The following STAU2 variants were observed in gnomAD, a reference collection of about 807,000 sequenced individuals.
The protein encoded by STAU2 is double-stranded RNA-binding protein Staufen homolog 2.
In STAU2, 20 loss-of-function variants were observed where a neutral mutation model predicts 65.9. That is an observed-to-expected ratio of 0.30 (90% CI 0.21 to 0.44). The LOEUF is 0.44. STAU2 is among the 20% of genes least tolerant of loss of function. The probability of loss-of-function intolerance (pLI) is 1.00; values close to 1 mark genes in which losing one functional copy is unlikely to be tolerated. For missense variants in STAU2, 558 were observed against 683.9 expected (o/e 0.82, Z 2.05); for synonymous variants, 232 against 233.9 (o/e 0.99, Z 0.07).
At chr8:73,687,149 A>G (rs980160419) in intron 5 of STAU2, among the ~76,000 whole-genome samples, 5 of 143,696 alleles carry the variant, frequency 3.5e-5, no homozygotes, top group Non-Finnish European at 1.5e-5. Context: ...AATTTATATA[A>G]ATTATATTTA....
intron 13 of STAU2, among the ~76,000 whole-genome samples, chr8:73,480,194 C>T (rs1235541465): frequency 6.6e-6 from 1 of 152,120 alleles, no homozygotes; most frequent in African/African-American, 2.4e-5. Flanking sequence ...CCCCAATATC[C>T]TCAATGCCCT....
chr8:73,621,581 A>G (rs1444755480), intron 6 of STAU2, among the ~76,000 whole-genome samples: 3 of 152,206 alleles, frequency 2.0e-5, no homozygotes, highest in African/African-American at 7.2e-5. Flanking sequence ...TTAGATCCCC[A>G]TAATGATTAC....
intron 5 of STAU2, among the ~76,000 whole-genome samples, chr8:73,685,819 A>G (rs1394686437): frequency 6.6e-6 from 1 of 152,212 alleles, no homozygotes; most frequent in Non-Finnish European, 1.5e-5. Context: ...CCCAGAGGAA[A>G]ATAAGTCATT....
At chr8:73,742,308 G>A (rs1056276315) in intron 1 of STAU2, 7 of 871,618 alleles carry the variant, frequency 8.0e-6, no homozygotes, top group East Asian at 1.2e-4. Flanking sequence ...TGAGGCGGAC[G>A]GATCACCTGA....
chr8:73,741,008 A>G (rs1586393042), intron 1 of STAU2, among the ~76,000 whole-genome samples: 1 of 147,022 alleles, frequency 6.8e-6, no homozygotes, highest in Non-Finnish European at 1.5e-5. Context: ...TCATCTCAGA[A>G]AAAAAAAAAA....
chr8:73,505,420 A>G (rs1474216233), intron 13 of STAU2, among the ~76,000 whole-genome samples: 1 of 152,048 alleles, frequency 6.6e-6, no homozygotes, highest in Non-Finnish European at 1.5e-5. Context: ...AGTTAAAGCT[A>G]AAAAAATTGG....
chr8:73,493,581 C>T (rs544532626), intron 13 of STAU2, among the ~76,000 whole-genome samples: 2 of 151,822 alleles, frequency 1.3e-5, no homozygotes, highest in Non-Finnish European at 3.0e-5. Flanking sequence ...TAATGAGATA[C>T]CATTACACAC....
chr8:73,474,343 G>A (rs933204701), intron 13 of STAU2, among the ~76,000 whole-genome samples: 1 of 152,146 alleles, frequency 6.6e-6, no homozygotes, highest in Non-Finnish European at 1.5e-5. Flanking sequence ...TAAAAGTTGA[G>A]TGATCAAGTT....
chr8:73,746,722 C>A, intron 1 of STAU2, 61 bp downstream of exon 1: 2 of 1,075,620 alleles, frequency 1.9e-6, no homozygotes, highest in Middle Eastern at 2.2e-4. Flanking sequence ...GCGCCCTCTG[C>A]CTTCTTCGCC....
intron 13 of STAU2, among the ~76,000 whole-genome samples, chr8:73,533,572 A>G (rs1179020499): frequency 6.6e-6 from 1 of 152,228 alleles, no homozygotes; most frequent in Non-Finnish European, 1.5e-5. Flanking sequence ...ATCAGGAAGT[A>G]TTCATAGAAT....
At chr8:73,684,120 T>C (rs1484071305) in intron 5 of STAU2, among the ~76,000 whole-genome samples, 1 of 152,104 alleles carries the variant, frequency 6.6e-6, no homozygotes, top group Non-Finnish European at 1.5e-5. Context: ...CTAAAATTCA[T>C]ATGGAACCAA....
At chr8:73,435,748 A>C (rs4403398) in intron 13 of STAU2, among the ~76,000 whole-genome samples, 5,959 of 151,966 alleles carry the variant, frequency 0.039, 491 homozygotes, top group African/African-American at 0.14. Context: ...GGTCTGAAAC[A>C]AGTGTTTTGC....
chr8:73,642,648 C>A (rs1299433974), intron 6 of STAU2, among the ~76,000 whole-genome samples: 1 of 152,130 alleles, frequency 6.6e-6, no homozygotes, highest in African/African-American at 2.4e-5. Flanking sequence ...CACTGCTTTT[C>A]TTTATTTTAT....
intron 6 of STAU2, among the ~76,000 whole-genome samples, chr8:73,667,320 A>G (rs955234390): frequency 1.3e-4 from 20 of 152,032 alleles, no homozygotes; most frequent in African/African-American, 4.6e-4. Context: ...TCCTTCAATG[A>G]CTCCCAATCA....
intron 6 of STAU2, among the ~76,000 whole-genome samples, chr8:73,636,920 A>T (rs1288845322): frequency 6.6e-6 from 1 of 152,160 alleles, no homozygotes; most frequent in East Asian, 1.9e-4. Flanking sequence ...GAGATCAAAG[A>T]AAATATGCTT....
At chr8:73,486,564 A>G (rs1434754281) in intron 13 of STAU2, among the ~76,000 whole-genome samples, 9 of 150,422 alleles carry the variant, frequency 6.0e-5, no homozygotes, top group African/African-American at 2.2e-4. Context: ...ATCAAACATG[A>G]CCGCTAATTT....
At chr8:73,589,446 T>C (rs1586070284) in intron 11 of STAU2, among the ~76,000 whole-genome samples, 1 of 152,136 alleles carries the variant, frequency 6.6e-6, no homozygotes, top group South Asian at 2.1e-4. Context: ...TTACAACACC[T>C]ATGATTCATA....
chr8:73,594,878 C>G (rs1170429329), intron 11 of STAU2, among the ~76,000 whole-genome samples: 4 of 152,076 alleles, frequency 2.6e-5, no homozygotes, highest in African/African-American at 9.7e-5. Flanking sequence ...AAGACTGTGT[C>G]TATATGGCAA....
At chr8:73,638,276 C>T (rs891314151) in intron 6 of STAU2, among the ~76,000 whole-genome samples, 2 of 151,748 alleles carry the variant, frequency 1.3e-5, no homozygotes, top group African/African-American at 4.8e-5. Flanking sequence ...AGAACTTCTA[C>T]AATAAGAAAA....
Sources: gnomAD v4.1 joint callset for allele counts (sites outside exome capture counted in the v4.1 genomes callset) on GRCh38, gnomAD v4.1.1 for gene constraint, MANE v1.5 for transcripts, NCBI Gene and HGNC (gene_info 2026-07-23, HGNC 2026-07-21) for gene names.